The following MED4 variants were observed in gnomAD, a reference collection of about 807,000 sequenced individuals.
The protein encoded by MED4 is mediator complex subunit 4.
In MED4, 21 loss-of-function variants were observed where a neutral mutation model predicts 35.0. That is an observed-to-expected ratio of 0.60 (90% CI 0.43 to 0.86). The LOEUF is 0.86. Ranked by LOEUF, MED4 falls within the 40% of genes least tolerant of loss-of-function variation. The probability of loss-of-function intolerance (pLI) is 0.00; values close to 1 mark genes in which losing one functional copy is unlikely to be tolerated. For synonymous variants in MED4, 138 were observed against 114.0 expected, an observed-to-expected ratio of 1.21 and a Z score of -1.34; for missense variants, 300 against 319.4, an observed-to-expected ratio of 0.94 and a Z score of 0.46.
intron 6 of MED4, among the ~76,000 whole-genome samples, chr13:48,078,921 C>A (rs1437825352): frequency 6.6e-6 from 1 of 152,082 alleles, no homozygotes; most frequent in Non-Finnish European, 1.5e-5. Flanking sequence ...AAAAAGGAAA[C>A]AGGCTAAAAT....
chr13:48,079,557 G>C (rs572457193), intron 6 of MED4, among the ~76,000 whole-genome samples: 1 of 151,714 alleles, frequency 6.6e-6, no homozygotes, highest in African/African-American at 2.4e-5. Flanking sequence ...CTGGCCAACA[G>C]AGCGAAACCC....
At chr13:48,092,242 G>A (rs548716558) in intron 1 of MED4, among the ~76,000 whole-genome samples, 4 of 152,188 alleles carry the variant, frequency 2.6e-5, no homozygotes, top group African/African-American at 9.6e-5. Flanking sequence ...CTAGCAGCTG[G>A]GATTACAGGC....
intron 1 of MED4, among the ~76,000 whole-genome samples, chr13:48,092,170 C>T (rs1265068383): frequency 6.6e-6 from 1 of 152,118 alleles, no homozygotes; most frequent in Non-Finnish European, 1.5e-5. Context: ...TGCAATGGCG[C>T]GATCTCGGCT....
intron 6 of MED4, among the ~76,000 whole-genome samples, chr13:48,078,975 T>C (rs1173557415): frequency 2.6e-5 from 4 of 152,170 alleles, no homozygotes; most frequent in Admixed American, 1.3e-4. Flanking sequence ...TTTTCCTTTT[T>C]TAAATGCCTT....
chr13:48,081,255 T>G (rs762661394), intron 5 of MED4, among the ~76,000 whole-genome samples: 6 of 152,234 alleles, frequency 3.9e-5, no homozygotes, highest in Non-Finnish European at 8.8e-5. Flanking sequence ...CTTTAGCATC[T>G]AAGAGAACTG....
intron 1 of MED4, among the ~76,000 whole-genome samples, chr13:48,092,154 CT>C (rs1950894244): frequency 6.6e-6 from 1 of 152,248 alleles, no homozygotes; most frequent in South Asian, 2.1e-4. Context: ...GTTGCCCAGG[CT>C]GGAGTGCAAT....
chr13:48,085,297 G>C (rs955445330), intron 3 of MED4, among the ~76,000 whole-genome samples: 1 of 151,276 alleles, frequency 6.6e-6, no homozygotes, highest in Non-Finnish European at 1.5e-5. Context: ...TCAGTCTCCT[G>C]AGTAGCTGGA....
rs1054676794 is a variant in MED4, at chr13:48,075,863, T to C, written c.*1276A>G. On this transcript the variant is annotated 3_prime_UTR_variant, in exon 7 of 7. Transcript: ENST00000258648. ...CCCTGGAGGGAAAGACATTCAAACA[T>C]TGTATGTCCTTAATTCTAGATGGTG... 3 of 152,254 alleles carry C rather than the reference T, an allele frequency of 2.0e-5. No homozygotes were observed. Among genetic ancestry groups the C allele is most frequent in the Middle Eastern group, 3.4e-3 (1 of 294 alleles). The allele number at this position is 152,254 out of a possible 1,614,324, so 9.4% of individuals were successfully genotyped here.
At chr13:48,094,901 G>A (rs1194200106) in intron 1 of MED4, 53 bp downstream of exon 1, 2 of 1,576,394 alleles carry the variant, frequency 1.3e-6, no homozygotes, top group Non-Finnish European at 1.7e-6. Context: ...GGCCGGCTCC[G>A]GGGTCAGTCC....
chr13:48,092,808 G>T (rs1265889705), intron 1 of MED4, among the ~76,000 whole-genome samples: 1 of 152,214 alleles, frequency 6.6e-6, no homozygotes, highest in Non-Finnish European at 1.5e-5. Flanking sequence ...GGTGGGGCAG[G>T]AGTGGTGCTG....
intron 3 of MED4, 74 bp downstream of exon 3, chr13:48,086,208 T>G: frequency 2.8e-6 from 4 of 1,420,888 alleles, no homozygotes; most frequent in Non-Finnish European, 3.9e-6. Flanking sequence ...CTTCAAAATA[T>G]TGATAACAGA....
chr13:48,088,127 A>G (rs568815336), intron 2 of MED4, among the ~76,000 whole-genome samples: 27 of 152,358 alleles, frequency 1.8e-4, no homozygotes, highest in African/African-American at 6.3e-4. Context: ...ATACAGGAAG[A>G]GTTCAGCAAA....
intron 3 of MED4, 111 bp from the exon 4 acceptor site, chr13:48,083,539 G>A (rs1190539345): frequency 5.6e-6 from 4 of 708,162 alleles, no homozygotes; most frequent in Non-Finnish European, 9.2e-6. Flanking sequence ...TTTGAAACTT[G>A]GAAATCCCAA....
intron 6 of MED4, among the ~76,000 whole-genome samples, chr13:48,078,821 G>A (rs1022329696): frequency 9.2e-5 from 14 of 151,988 alleles, no homozygotes; most frequent in Non-Finnish European, 1.8e-4. Flanking sequence ...TTGTACTTTA[G>A]GTAGCTAACA....
At position 48,094,875 on chromosome 13, in the gene MED4, G is replaced by A. The variant is rs1386896611; in HGVS notation, c.125+79C>T. The A allele has an allele frequency of 2.6e-5, 41 of 1,565,420 alleles. 1 individual carries two copies. In the South Asian group the frequency reaches 4.2e-4, roughly 16 times the overall value. ...CCTCCCCGCCGAACCCCGAGAACGA[G>A]CACAAACGCAGGGCCGGCCGGCTCC... On this transcript the variant is annotated intron_variant, in intron 1 of 6. Transcript: ENST00000258648.
At chr13:48,083,803 T>C (rs1950828208) in intron 3 of MED4, among the ~76,000 whole-genome samples, 2 of 152,218 alleles carry the variant, frequency 1.3e-5, no homozygotes, top group South Asian at 4.1e-4. Flanking sequence ...TCCCCTAGTT[T>C]GGAAGATACA....
chr13:48,078,062 G>A (rs1472005321), intron 6 of MED4, among the ~76,000 whole-genome samples: 2 of 152,102 alleles, frequency 1.3e-5, no homozygotes, highest in Non-Finnish European at 2.9e-5. Context: ...TCAAAGAGAG[G>A]TTGATTAGCA....
In MED4 at chr13:48,076,311, G is replaced by A. The variant is rs1206605994; in HGVS notation, c.*828C>T. ...GGTTAAAAATGACTCCTGGGGAACTGTAAGAAGAGGAAGGTGAAGGGAAGA... is the reference window on the plus strand; with the variant it reads ...GGTTAAAAATGACTCCTGGGGAACTATAAGAAGAGGAAGGTGAAGGGAAGA... On this transcript the variant is annotated 3_prime_UTR_variant, in exon 7 of 7. Coordinates refer to ENST00000258648, the MANE Select transcript of MED4 (RefSeq NM_014166.4). 1 of 152,146 alleles carries A rather than the reference G, an allele frequency of 6.6e-6. No homozygotes were observed. Among genetic ancestry groups the A allele is most frequent in the Non-Finnish European group, 1.5e-5 (1 of 67,998 alleles). The allele number at this position is 152,146 out of a possible 1,614,324, so 9.4% of individuals were successfully genotyped here.
At chr13:48,086,202 A>T in intron 3 of MED4, 80 bp downstream of exon 3, 1 of 1,395,746 alleles carries the variant, frequency 7.2e-7, no homozygotes, top group Non-Finnish European at 9.9e-7. Context: ...TCTGCTCTTC[A>T]AAATATTGAT....
Sources: allele counts gnomAD v4.1 joint callset (sites outside exome capture counted in the v4.1 genomes callset), GRCh38; gene constraint gnomAD v4.1.1; transcripts MANE v1.5; gene names NCBI Gene and HGNC (gene_info 2026-07-23, HGNC 2026-07-21).